Variants in FNBP1L observed in about 807,000 individuals in gnomAD.
FNBP1L encodes the protein formin binding protein 1 like, also known as formin-binding protein 1-like.
Under a neutral mutation model 91.2 loss-of-function variants are expected in FNBP1L, and 36 were observed. That is an observed-to-expected ratio of 0.39 (90% CI 0.30 to 0.52). FNBP1L has a LOEUF of 0.52. Ranked by LOEUF, FNBP1L falls within the 20% of genes least tolerant of loss-of-function variation. The pLI, the probability that FNBP1L is intolerant of heterozygous loss-of-function variation, is 0.66. For missense variants in FNBP1L, 571 were observed against 732.1 expected, an observed-to-expected ratio of 0.78 and a Z score of 2.54; for synonymous variants, 242 against 237.0, an observed-to-expected ratio of 1.02 and a Z score of -0.19.
intron 1 of FNBP1L, among the ~76,000 whole-genome samples, chr1:93,459,210 G>A (rs1249007905): frequency 6.6e-6 from 1 of 152,198 alleles, no homozygotes; most frequent in Non-Finnish European, 1.5e-5. Flanking sequence ...ACAGTGAGCT[G>A]AAATCACGCC....
At chr1:93,532,615 G>A (rs1005026951) in intron 7 of FNBP1L, among the ~76,000 whole-genome samples, 2 of 151,964 alleles carry the variant, frequency 1.3e-5, no homozygotes, top group African/African-American at 4.8e-5. Flanking sequence ...ATAGTAAAAG[G>A]TGGGAGTGCT....
intron 1 of FNBP1L, among the ~76,000 whole-genome samples, chr1:93,479,298 C>G (rs571844549): frequency 6.6e-6 from 1 of 152,308 alleles, no homozygotes; most frequent in East Asian, 1.9e-4. Flanking sequence ...AGATCACATG[C>G]TTCTGAGGAA....
At chr1:93,513,462 A>G (rs1047366773) in intron 2 of FNBP1L, among the ~76,000 whole-genome samples, 1 of 152,064 alleles carries the variant, frequency 6.6e-6, no homozygotes, top group African/African-American at 2.4e-5. Context: ...CAGAGACACA[A>G]CCAGAAAAGA....
At chr1:93,466,868 A>G (rs1429538123) in intron 1 of FNBP1L, among the ~76,000 whole-genome samples, 2 of 152,034 alleles carry the variant, frequency 1.3e-5, no homozygotes, top group Admixed American at 6.6e-5. Context: ...TGTGTCCTCC[A>G]TCTCCTTGAG....
At chr1:93,552,349 CT>C in intron 16 of FNBP1L, 59 bp from the exon 17 acceptor site, 2 of 1,589,824 alleles carry the variant, frequency 1.3e-6, no homozygotes, top group Non-Finnish European at 1.7e-6. Context: ...CTGAACACCC[CT>C]TTTGGTTTTA....
At position 93,534,798 on chromosome 1, in the gene FNBP1L, A is replaced by G. The variant is rs1671791875; in HGVS notation, c.880A>G (p.Ile294Val). 1.3e-6 allele frequency: 2 copies of G among 1,572,078 alleles called. No individual in the cohort carries two copies. Among genetic ancestry groups the G allele is most frequent in the Admixed American group, 1.9e-5 (1 of 53,996 alleles). ...TTACAGTCAACATATATATAGAACC[A>G]TTTCTGATGGGACTATCAGTGCATC... ...EDYSQHIYRT[I>V]SDGTISASKQ... The change falls in exon 9 of 17, where the codon ATT becomes GTT. Residue 294 changes from isoleucine (I) to valine (V), a missense_variant. This residue lies in a region of FNBP1L where 150 missense variants were observed against 155.9 expected (regional missense o/e 0.96). Transcript: ENST00000271234.
At chr1:93,543,007 T>A (rs1366112317) in intron 11 of FNBP1L, among the ~76,000 whole-genome samples, 2 of 151,942 alleles carry the variant, frequency 1.3e-5, no homozygotes, top group Non-Finnish European at 2.9e-5. Context: ...GGCTCCAGTC[T>A]GGCCTCAAAC....
intron 1 of FNBP1L, among the ~76,000 whole-genome samples, chr1:93,492,445 T>C (rs1312505529): frequency 1.3e-5 from 2 of 152,202 alleles, no homozygotes; most frequent in Non-Finnish European, 2.9e-5. Context: ...AGCTTAGAAC[T>C]TCTGTTTATA....
At chr1:93,514,454 T>C (rs1240607272) in intron 2 of FNBP1L, among the ~76,000 whole-genome samples, 5 of 151,552 alleles carry the variant, frequency 3.3e-5, no homozygotes, top group South Asian at 2.1e-4. Flanking sequence ...GAGCCCACAT[T>C]GCCAAGTCAA....
At chr1:93,535,294 A>G (rs1671808111) in intron 9 of FNBP1L, among the ~76,000 whole-genome samples, 1 of 152,158 alleles carries the variant, frequency 6.6e-6, no homozygotes, top group Non-Finnish European at 1.5e-5. Context: ...TAGGTTTTAT[A>G]GATCCTACTA....
At chr1:93,513,906 G>C (rs1185169608) in intron 2 of FNBP1L, among the ~76,000 whole-genome samples, 1 of 152,160 alleles carries the variant, frequency 6.6e-6, no homozygotes, top group Non-Finnish European at 1.5e-5. Context: ...CATAGTGTTG[G>C]AAGTTCTGGC....
At chr1:93,481,849 C>G (rs12145266) in intron 1 of FNBP1L, among the ~76,000 whole-genome samples, 27 of 152,172 alleles carry the variant, frequency 1.8e-4, no homozygotes, top group Admixed American at 3.9e-4. Context: ...AAATTTCAGT[C>G]TGTTGCATTT....
intron 2 of FNBP1L, among the ~76,000 whole-genome samples, chr1:93,503,406 T>A (rs1418060632): frequency 2.0e-5 from 3 of 152,148 alleles, no homozygotes; most frequent in Non-Finnish European, 4.4e-5. Flanking sequence ...GAGATTTGGG[T>A]AAGGACACAG....
chr1:93,526,258 A>G (rs755831143), intron 5 of FNBP1L, among the ~76,000 whole-genome samples: 1 of 152,186 alleles, frequency 6.6e-6, no homozygotes, highest in Non-Finnish European at 1.5e-5. Context: ...ATACAGTTTT[A>G]TAAGAGCAGA....
chr1:93,473,309 T>C (rs1669370125), intron 1 of FNBP1L, among the ~76,000 whole-genome samples: 1 of 152,224 alleles, frequency 6.6e-6, no homozygotes, highest in Admixed American at 6.5e-5. Context: ...ATTATCTGTG[T>C]GCCAAGCACT....
chr1:93,498,751 AG>A (rs1010193780), intron 1 of FNBP1L, among the ~76,000 whole-genome samples: 4 of 152,228 alleles, frequency 2.6e-5, no homozygotes, highest in Admixed American at 2.6e-4. Flanking sequence ...AGAGCCTTGT[AG>A]GACAGTGGTA....
intron 1 of FNBP1L, among the ~76,000 whole-genome samples, chr1:93,451,714 C>T (rs1053722191): frequency 3.3e-5 from 5 of 151,906 alleles, no homozygotes; most frequent in East Asian, 1.9e-4. Flanking sequence ...TGCAGTGGTG[C>T]GATCTCGGGT....
chr1:93,550,493 G>A (rs558457754), intron 15 of FNBP1L, among the ~76,000 whole-genome samples: 8 of 152,238 alleles, frequency 5.3e-5, no homozygotes, highest in African/African-American at 1.4e-4. Context: ...CATCTCTAGA[G>A]TCAAACCCGT....
chr1:93,500,566 A>G (rs979329494), intron 2 of FNBP1L, among the ~76,000 whole-genome samples: 13 of 149,562 alleles, frequency 8.7e-5, no homozygotes, highest in African/African-American at 3.3e-4. Flanking sequence ...ATACTAGCAG[A>G]GGGTCTCCTT....
Sources: allele counts gnomAD v4.1 joint callset (sites outside exome capture counted in the v4.1 genomes callset), GRCh38; gene constraint gnomAD v4.1.1; regional missense constraint gnomAD v4.1.1; transcripts MANE v1.5; gene names NCBI Gene and HGNC (gene_info 2026-07-23, HGNC 2026-07-21).